The following TAFA2 variants were observed in gnomAD, a reference collection of about 807,000 sequenced individuals.
The protein encoded by TAFA2 is TAFA chemokine like family member 2.
In TAFA2, 7 loss-of-function variants were observed where a neutral mutation model predicts 18.8. That is an observed-to-expected ratio of 0.37 (90% CI 0.21 to 0.70). TAFA2 has a LOEUF of 0.70. Ranked by LOEUF, TAFA2 falls within the 30% of genes least tolerant of loss-of-function variation. The pLI is 0.53. For synonymous variants in TAFA2, 60 were observed against 54.2 expected, an observed-to-expected ratio of 1.11 and a Z score of -0.47; for missense variants, 122 against 158.1, an observed-to-expected ratio of 0.77 and a Z score of 1.23.
intron 2 of TAFA2, among the ~76,000 whole-genome samples, chr12:61,787,021 G>A (rs1870767557): frequency 6.6e-6 from 1 of 151,600 alleles, no homozygotes; most frequent in Non-Finnish European, 1.5e-5. Context: ...AACCGCATAA[G>A]TAATCACATT....
chr12:61,806,344 T>A (rs1212915678), intron 2 of TAFA2, among the ~76,000 whole-genome samples: 2 of 152,156 alleles, frequency 1.3e-5, no homozygotes, highest in Non-Finnish European at 2.9e-5. Flanking sequence ...CTGCACAAGC[T>A]CTCTTCTCTT....
intron 1 of TAFA2, among the ~76,000 whole-genome samples, chr12:61,975,609 T>G (rs1879404867): frequency 6.6e-6 from 1 of 151,160 alleles, no homozygotes; most frequent in Non-Finnish European, 1.5e-5. Flanking sequence ...GCCTGGCTAT[T>G]GTGAATAATG....
Position 61,919,057 on chromosome 12 carries a change from A to C in TAFA2, c.-1-51631T>G, listed in dbSNP as rs550430099. On this transcript the variant is annotated intron_variant, in intron 1 of 4. Transcript: ENST00000416284. The stretch of plus-strand genomic sequence containing the variant: ...GTAAAGCATATAGCATACTGCCAAC[A>C]GTGGCCTGTTAAGTAATTGTAGCAA... Among the ~76,000 whole-genome samples, 22 of 152,334 alleles carry C rather than the reference A, an allele frequency of 1.4e-4. No individual in the cohort carries two copies. In the South Asian group the frequency reaches 4.6e-3, roughly 32 times the overall value.
intron 1 of TAFA2, among the ~76,000 whole-genome samples, chr12:62,223,379 T>C (rs935914273): frequency 1.4e-4 from 21 of 152,320 alleles, no homozygotes; most frequent in African/African-American, 4.8e-4. Flanking sequence ...GGTCTCCGTA[T>C]GTTGTCTAGG....
intron 2 of TAFA2, among the ~76,000 whole-genome samples, chr12:61,858,126 G>T (rs747787265): frequency 2.0e-5 from 3 of 152,168 alleles, no homozygotes; most frequent in Non-Finnish European, 4.4e-5. Flanking sequence ...GGAGGGCTTT[G>T]GCAGACCCTG....
intron 1 of TAFA2, among the ~76,000 whole-genome samples, chr12:62,125,989 C>A (rs190577827): frequency 6.6e-6 from 1 of 151,890 alleles, no homozygotes; most frequent in South Asian, 2.1e-4. Context: ...AAATTTTTTT[C>A]GCATATATTA....
chr12:61,825,410 T>A (rs952818154), intron 2 of TAFA2, among the ~76,000 whole-genome samples: 27 of 152,002 alleles, frequency 1.8e-4, no homozygotes, highest in African/African-American at 6.5e-4. Flanking sequence ...GCAGTATTGG[T>A]TTGTGGGGAG....
At chr12:61,857,897 A>G (rs1873954409) in intron 2 of TAFA2, among the ~76,000 whole-genome samples, 1 of 152,202 alleles carries the variant, frequency 6.6e-6, no homozygotes, top group African/African-American at 2.4e-5. Context: ...GGGAAAAAAA[A>G]GAGACCCAGG....
At chr12:62,011,991 CT>C (rs1880786097) in intron 1 of TAFA2, among the ~76,000 whole-genome samples, 1 of 152,152 alleles carries the variant, frequency 6.6e-6, no homozygotes, top group South Asian at 2.1e-4. Context: ...GAATAGATCC[CT>C]AATAGTGTTT....
At chr12:61,982,876 CAAAAAAAA>C (rs3031097) in intron 1 of TAFA2, among the ~76,000 whole-genome samples, 2,888 of 101,626 alleles carry the variant, frequency 0.028, 142 homozygotes, top group African/African-American at 0.1. Flanking sequence ...AAGTGGAAGG[CAAAAAAAA>C]AAAAAAAAAA....
chr12:61,854,865 A>G (rs939302374), intron 2 of TAFA2, among the ~76,000 whole-genome samples: 2 of 152,218 alleles, frequency 1.3e-5, no homozygotes, highest in African/African-American at 4.8e-5. Flanking sequence ...AAAATGAAAC[A>G]GTAAACTAAA....
intron 1 of TAFA2, among the ~76,000 whole-genome samples, chr12:62,204,110 A>G (rs2062682560): frequency 6.6e-6 from 1 of 152,074 alleles, no homozygotes; most frequent in African/African-American, 2.4e-5. Flanking sequence ...GTTTGGCCAG[A>G]TATGAAATTC....
At chr12:62,183,457 C>A (rs1484806401) in intron 1 of TAFA2, among the ~76,000 whole-genome samples, 1 of 152,186 alleles carries the variant, frequency 6.6e-6, no homozygotes, top group Non-Finnish European at 1.5e-5. Flanking sequence ...CATCACAGCT[C>A]ACTGCAGCCT....
intron 1 of TAFA2, among the ~76,000 whole-genome samples, chr12:62,058,578 G>A (rs1207539429): frequency 1.3e-5 from 2 of 151,938 alleles, no homozygotes; most frequent in East Asian, 1.9e-4. Flanking sequence ...GTCTGACAGC[G>A]CTGTGTTTCA....
At chr12:61,875,264 A>T (rs1438443806) in intron 1 of TAFA2, among the ~76,000 whole-genome samples, 4 of 152,014 alleles carry the variant, frequency 2.6e-5, no homozygotes, top group Non-Finnish European at 4.4e-5. Context: ...GTGCATCCAT[A>T]ATATTTAAAT....
intron 1 of TAFA2, among the ~76,000 whole-genome samples, chr12:62,223,248 A>C (rs1002184662): frequency 3.9e-5 from 6 of 152,186 alleles, no homozygotes; most frequent in Admixed American, 2.0e-4. Context: ...ATCATGGCTC[A>C]GCTCACTGAA....
intron 2 of TAFA2, among the ~76,000 whole-genome samples, chr12:61,785,493 A>G (rs997996616): frequency 4.0e-5 from 6 of 151,474 alleles, no homozygotes; most frequent in African/African-American, 1.5e-4. Context: ...ATGATATCAC[A>G]TTGTACTAGA....
chr12:61,909,091 C>G (rs1876490693), intron 1 of TAFA2, among the ~76,000 whole-genome samples: 1 of 152,104 alleles, frequency 6.6e-6, no homozygotes, highest in South Asian at 2.1e-4. Context: ...GTTCACATAT[C>G]AGAAAATCTA....
chr12:62,018,565 A>C (rs9737799), intron 1 of TAFA2, among the ~76,000 whole-genome samples: 19,948 of 152,238 alleles, frequency 0.13, 1,669 homozygotes, highest in Non-Finnish European at 0.19. Context: ...CAAAAATAAG[A>C]AATGGACAAA....
Sources: allele counts gnomAD v4.1 joint callset (sites outside exome capture counted in the v4.1 genomes callset), GRCh38; gene constraint gnomAD v4.1.1; transcripts MANE v1.5; gene names NCBI Gene and HGNC (gene_info 2026-07-23, HGNC 2026-07-21).